The following CREB5 variants were observed in gnomAD, a reference collection of about 807,000 sequenced individuals.
CREB5 encodes the protein cAMP responsive element binding protein 5.
CREB5 carries 19 observed loss-of-function variants against 57.1 expected under a neutral mutation model. The observed-to-expected ratio is 0.33, with a 90% confidence interval of 0.23 to 0.49. The LOEUF (loss-of-function observed/expected upper bound fraction) is 0.49, where lower values mean the gene tolerates loss of function less well. CREB5 is among the 20% of genes least tolerant of loss of function. CREB5 has a pLI of 0.99. For missense variants in CREB5, 579 were observed against 671.6 expected, an observed-to-expected ratio of 0.86 and a Z score of 1.52; for synonymous variants, 238 against 238.3, an observed-to-expected ratio of 1.00 and a Z score of 0.01.
intron 5 of CREB5, among the ~76,000 whole-genome samples, chr7:28,641,379 AC>A (rs1461600572): frequency 1.3e-5 from 2 of 152,126 alleles, no homozygotes; most frequent in African/African-American, 4.8e-5. Context: ...GAAAAGCTGG[AC>A]CCAGGCAGTC....
chr7:28,704,125 T>G (rs375041484), intron 5 of CREB5, among the ~76,000 whole-genome samples: 7 of 152,228 alleles, frequency 4.6e-5, no homozygotes, highest in Non-Finnish European at 8.8e-5. Context: ...AACTGCTTAT[T>G]TGGGGACCTG....
chr7:28,626,278 T>C (rs1797994865), intron 5 of CREB5, among the ~76,000 whole-genome samples: 1 of 152,218 alleles, frequency 6.6e-6, no homozygotes, highest in Non-Finnish European at 1.5e-5. Context: ...ATATTTAGAA[T>C]GATTGAAGTG....
At chr7:28,411,560 G>T (rs1172280167), upstream of CREB5, among the ~76,000 whole-genome samples, 1 of 143,692 alleles carries the variant, frequency 7.0e-6, no homozygotes, top group African/African-American at 2.5e-5. Context: ...GGTGTGGGGG[G>T]TGGGGGGGTG....
At chr7:28,472,535 T>G (rs913120770) in intron 1 of CREB5, among the ~76,000 whole-genome samples, 34 of 152,172 alleles carry the variant, frequency 2.2e-4, no homozygotes, top group African/African-American at 8.0e-4. Flanking sequence ...GCTGTGTTCT[T>G]TCTACCCCTC....
At chr7:28,473,036 C>T (rs1035584867) in intron 1 of CREB5, among the ~76,000 whole-genome samples, 2 of 152,162 alleles carry the variant, frequency 1.3e-5, no homozygotes, top group African/African-American at 2.4e-5. Context: ...CTAAATGTCA[C>T]CTGTCCAGAG....
chr7:28,334,120 T>G (rs190236166), intron 1 of CREB5, among the ~76,000 whole-genome samples: 1 of 152,312 alleles, frequency 6.6e-6, no homozygotes, highest in East Asian at 1.9e-4. Flanking sequence ...AGTTGTGATT[T>G]GCATTTCTCT....
intron 5 of CREB5, among the ~76,000 whole-genome samples, chr7:28,580,472 C>G (rs1796078444): frequency 8.3e-6 from 1 of 120,218 alleles, no homozygotes; most frequent in South Asian, 2.9e-4. Context: ...CAATAGATAG[C>G]TGCTACTTAT....
intron 7 of CREB5, among the ~76,000 whole-genome samples, chr7:28,746,000 A>G (rs1804664856): frequency 6.6e-6 from 1 of 152,202 alleles, no homozygotes; most frequent in African/African-American, 2.4e-5. Flanking sequence ...CACTGTCCTC[A>G]GCTCAGTGCC....
At chr7:28,300,297 G>C (rs183904760) in intron 1 of CREB5, among the ~76,000 whole-genome samples, 1 of 152,150 alleles carries the variant, frequency 6.6e-6, no homozygotes, top group Admixed American at 6.5e-5. Flanking sequence ...AAGATAATTT[G>C]CTTGTCTAAT....
Position 28,415,090 on chromosome 7 carries a change from T to G in CREB5, c.3+2173T>G, listed in dbSNP as rs148534634. On this transcript the variant is annotated intron_variant, in intron 1 of 10. Coordinates refer to ENST00000357727, the MANE Select transcript of CREB5 (RefSeq NM_182898.4). ...TCTTCTATTTCCTTAAGGTTACATT[T>G]CTGATCTTAACCCTAAAAAGATTTT... Among the ~76,000 whole-genome samples the G allele has an allele frequency of 1.2e-3, 183 of 152,274 alleles. 1 individual carries two copies. The highest frequency in any genetic ancestry group is 4.3e-3 in the African/African-American group (178 of 41,550).
chr7:28,760,909 G>A, intron 7 of CREB5, among the ~76,000 whole-genome samples: 1 of 152,110 alleles, frequency 6.6e-6, no homozygotes, highest in Middle Eastern at 3.2e-3. Flanking sequence ...AAAGCACTTT[G>A]AAAATGCTAA....
At chr7:28,787,534 A>G (rs956687833) in intron 7 of CREB5, among the ~76,000 whole-genome samples, 1 of 152,182 alleles carries the variant, frequency 6.6e-6, no homozygotes, top group African/African-American at 2.4e-5. Flanking sequence ...TCTTTCAGTT[A>G]TTAGATCCTA....
chr7:28,664,746 T>C (rs972060999), intron 5 of CREB5, among the ~76,000 whole-genome samples: 14 of 149,844 alleles, frequency 9.3e-5, no homozygotes, highest in African/African-American at 3.4e-4. Context: ...ACTCTTCTAG[T>C]CTGCATTAAT....
chr7:28,487,482 C>T (rs923221168), intron 1 of CREB5, among the ~76,000 whole-genome samples: 1 of 152,106 alleles, frequency 6.6e-6, no homozygotes, highest in Non-Finnish European at 1.5e-5. Context: ...CTTATAAAGC[C>T]AAATTAATGA....
At chr7:28,745,053 G>C (rs1020524161) in intron 7 of CREB5, among the ~76,000 whole-genome samples, 1 of 152,230 alleles carries the variant, frequency 6.6e-6, no homozygotes, top group Non-Finnish European at 1.5e-5. Context: ...CATGCTGACC[G>C]TGTACTGTGC....
intron 1 of CREB5, among the ~76,000 whole-genome samples, chr7:28,439,253 A>G (rs1000040735): frequency 1.3e-5 from 2 of 152,186 alleles, no homozygotes; most frequent in Non-Finnish European, 1.5e-5. Context: ...CCCATAGGGT[A>G]AAATTTAACC....
At chr7:28,637,984 G>A (rs936444073) in intron 5 of CREB5, among the ~76,000 whole-genome samples, 2 of 152,058 alleles carry the variant, frequency 1.3e-5, no homozygotes, top group African/African-American at 4.8e-5. Flanking sequence ...CATCGTTTTT[G>A]GTGACTTAAT....
intron 1 of CREB5, among the ~76,000 whole-genome samples, chr7:28,394,228 T>C (rs1407591062): frequency 1.3e-5 from 2 of 151,650 alleles, no homozygotes; most frequent in African/African-American, 4.9e-5. Flanking sequence ...TATAAAATAT[T>C]CCATTAAATA....
intron 5 of CREB5, among the ~76,000 whole-genome samples, chr7:28,652,661 C>T (rs546239920): frequency 1.2e-4 from 19 of 152,324 alleles, no homozygotes; most frequent in Admixed American, 5.9e-4. Flanking sequence ...TGAGAGATTG[C>T]ATGCAAAATG....
Sources: gnomAD v4.1 joint callset for allele counts (sites outside exome capture counted in the v4.1 genomes callset) on GRCh38, gnomAD v4.1.1 for gene constraint, MANE v1.5 for transcripts, NCBI Gene and HGNC (gene_info 2026-07-23, HGNC 2026-07-21) for gene names.